PRCP: variants seen among roughly 807,000 people sequenced by gnomAD.
The protein encoded by PRCP is prolylcarboxypeptidase.
A neutral mutation model predicts 54.2 loss-of-function variants in PRCP; 46 were observed. The observed-to-expected ratio is 0.85, with a 90% CI of 0.67 to 1.09. The LOEUF (loss-of-function observed/expected upper bound fraction) is 1.09. Among genes scored for constraint, PRCP ranks in the 50% least tolerant of loss-of-function variants. The pLI, the probability that PRCP is intolerant of heterozygous loss-of-function variation, is 0.00. For missense variants in PRCP, 613 were observed against 596.8 expected, an observed-to-expected ratio of 1.03 and a Z score of -0.28; for synonymous variants, 240 against 212.2, an observed-to-expected ratio of 1.13 and a Z score of -1.14.
chr11:82,890,552 C>T (rs991223518), intron 1 of PRCP, among the ~76,000 whole-genome samples: 6 of 152,164 alleles, frequency 3.9e-5, no homozygotes, highest in East Asian at 1.9e-4. Context: ...AGCATACATT[C>T]GATTATTTCT....
chr11:82,879,220 CTTTG>C (rs1359668705), intron 1 of PRCP, among the ~76,000 whole-genome samples: 21 of 152,192 alleles, frequency 1.4e-4, no homozygotes, highest in Admixed American at 1.4e-3. Context: ...TTCTTGAAGG[CTTTG>C]TTTGTTTCTT....
chr11:82,845,418 C>G (rs1858784924), intron 6 of PRCP, among the ~76,000 whole-genome samples: 2 of 152,154 alleles, frequency 1.3e-5, no homozygotes, highest in African/African-American at 4.8e-5. Flanking sequence ...CCAATCTCCT[C>G]TCAGAGCATG....
At chr11:82,870,394 C>T (rs367604221) in intron 1 of PRCP, among the ~76,000 whole-genome samples, 7 of 152,188 alleles carry the variant, frequency 4.6e-5, no homozygotes, top group South Asian at 4.2e-4. Context: ...TGTGATGCTG[C>T]GAGATCCTGG....
intron 1 of PRCP, chr11:82,884,858 A>G (rs1348057645): frequency 2.5e-6 from 4 of 1,613,572 alleles, no homozygotes; most frequent in Admixed American, 1.7e-5. Flanking sequence ...TGGATAATAC[A>G]TATGTGCAAC....
intron 1 of PRCP, among the ~76,000 whole-genome samples, chr11:82,888,563 G>A (rs995763343): frequency 2.0e-5 from 3 of 152,016 alleles, no homozygotes; most frequent in Non-Finnish European, 4.4e-5. Flanking sequence ...CCCAGCCCTC[G>A]CCCATACACA....
intron 1 of PRCP, among the ~76,000 whole-genome samples, chr11:82,871,255 G>C (rs375689137): frequency 7.0e-6 from 1 of 142,008 alleles, no homozygotes; most frequent in Admixed American, 7.8e-5. Context: ...ATCTTGGCTC[G>C]TGCAAACTTC....
chr11:82,847,781 A>T (rs1222865433), intron 6 of PRCP, among the ~76,000 whole-genome samples: 1 of 151,962 alleles, frequency 6.6e-6, no homozygotes, highest in African/African-American at 2.4e-5. Context: ...TTTAGTAGAG[A>T]TGAGGTCTCA....
Position 82,823,170 on chromosome 11 carries a change from C to G in PRCP, c.*1736G>C, listed in dbSNP as rs1858137179. On this transcript the variant is annotated 3_prime_UTR_variant, in exon 9 of 9. Transcript: ENST00000313010. ...AGTTTGTTTCTTCAGAATAATGTAACTCATCCAAATAATCAACATCAAATA... is the reference window on the plus strand; with the variant it reads ...AGTTTGTTTCTTCAGAATAATGTAAGTCATCCAAATAATCAACATCAAATA... Among the ~76,000 whole-genome samples the G allele has an allele frequency of 6.6e-6, 1 of 152,058 alleles. No individual in the cohort carries two copies. Among genetic ancestry groups the G allele is most frequent in the South Asian group, 2.1e-4 (1 of 4,820 alleles).
At chr11:82,885,622 T>C (rs1166895324) in intron 1 of PRCP, among the ~76,000 whole-genome samples, 1 of 152,138 alleles carries the variant, frequency 6.6e-6, no homozygotes, top group Non-Finnish European at 1.5e-5. Context: ...ACAAAATACT[T>C]AGGTATAGTT....
chr11:82,894,240 G>A (rs1860068407), intron 1 of PRCP, among the ~76,000 whole-genome samples: 1 of 151,912 alleles, frequency 6.6e-6, no homozygotes, highest in Non-Finnish European at 1.5e-5. Context: ...TAAACACAAT[G>A]TTTTATTATA....
chr11:82,885,027 T>C, intron 1 of PRCP: 1 of 1,322,092 alleles, frequency 7.6e-7, no homozygotes, highest in Non-Finnish European at 1.0e-6. Flanking sequence ...ACTTCAGCAA[T>C]TTGTTCTGAG....
intron 8 of PRCP, 114 bp downstream of exon 8, chr11:82,838,273 G>A (rs1272060643): frequency 1.4e-5 from 13 of 956,488 alleles, no homozygotes; most frequent in African/African-American, 1.7e-5. Flanking sequence ...ATGACAGGTA[G>A]CACTGTTGTA....
intron 1 of PRCP, chr11:82,884,916 A>G (rs1463301060): frequency 6.2e-7 from 1 of 1,610,458 alleles, no homozygotes. Context: ...ATTTATTACT[A>G]ATATATTTTG....
At chr11:82,832,126 A>G (rs755623809) in intron 8 of PRCP, among the ~76,000 whole-genome samples, 38 of 152,278 alleles carry the variant, frequency 2.5e-4, no homozygotes, top group South Asian at 4.1e-4. Context: ...ATTGATGGGT[A>G]TTTGGGTTAG....
intron 1 of PRCP, among the ~76,000 whole-genome samples, chr11:82,876,247 C>T (rs1009008002): frequency 2.6e-5 from 4 of 152,156 alleles, no homozygotes; most frequent in Non-Finnish European, 5.9e-5. Flanking sequence ...GCTAGGTGTA[C>T]CTCAGTTACT....
intron 2 of PRCP, chr11:82,858,239 C>A (rs1308062820): frequency 6.6e-6 from 1 of 152,176 alleles, no homozygotes; most frequent in African/African-American, 2.4e-5. Context: ...TTACTGTATC[C>A]ATTTAACAGA....
intron 6 of PRCP, among the ~76,000 whole-genome samples, chr11:82,844,168 C>T (rs1858744210): frequency 6.6e-6 from 1 of 152,078 alleles, no homozygotes; most frequent in African/African-American, 2.4e-5. Flanking sequence ...CTCATAACAA[C>T]CCTAATAAGC....
intron 5 of PRCP, among the ~76,000 whole-genome samples, chr11:82,849,496 C>T (rs528106414): frequency 2.1e-4 from 32 of 152,198 alleles, no homozygotes; most frequent in African/African-American, 7.2e-4. Context: ...TAAACTACAA[C>T]TTAGTAAAAC....
chr11:82,830,453 C>A (rs1858350558), intron 8 of PRCP: 1 of 151,582 alleles, frequency 6.6e-6, no homozygotes, highest in Non-Finnish European at 1.5e-5. Context: ...TATGGTGAAA[C>A]CCTGCCTCTA....
Sources: gnomAD v4.1 joint callset for allele counts (sites outside exome capture counted in the v4.1 genomes callset) on GRCh38, gnomAD v4.1.1 for gene constraint, MANE v1.5 for transcripts, NCBI Gene and HGNC (gene_info 2026-07-23, HGNC 2026-07-21) for gene names.